MCTP1: variants seen among roughly 807,000 people sequenced by gnomAD.
MCTP1 encodes the protein multiple C2 and transmembrane domain-containing protein 1.
MCTP1 carries 69 observed loss-of-function variants against 120.6 expected under a neutral mutation model. That is an observed-to-expected ratio of 0.57 (90% CI 0.47 to 0.70). The LOEUF (loss-of-function observed/expected upper bound fraction) is 0.70, where lower values mean the gene tolerates loss of function less well. Ranked by LOEUF, MCTP1 falls within the 30% of genes least tolerant of loss-of-function variation. The pLI is 0.00. For missense variants in MCTP1, 1,203 were observed against 1,248.8 expected (o/e 0.96, Z 0.55); for synonymous variants, 529 against 493.1 (o/e 1.07, Z -0.96).
intron 19 of MCTP1, among the ~76,000 whole-genome samples, chr5:94,778,335 G>A (rs1204518705): frequency 6.6e-6 from 1 of 151,954 alleles, no homozygotes; most frequent in Non-Finnish European, 1.5e-5. Flanking sequence ...TTAGATTTTA[G>A]GTCTGGAAAT....
intron 10 of MCTP1, among the ~76,000 whole-genome samples, chr5:94,900,132 A>T (rs936743522): frequency 6.6e-6 from 1 of 152,172 alleles, no homozygotes; most frequent in African/African-American, 2.4e-5. Flanking sequence ...ACAACTTATC[A>T]TTCCAGAAGC....
rs1211529200 is a variant in MCTP1, at chr5:94,912,466, A to AAAAAAAAAAAG, written c.1521+339_1521+340insCTTTTTTTTTT. ...AAAAAAAAAAAAAAAAAAAAAAAAA[A>AAAAAAAAAAAG]GCCGCACTCTGAGTACTTTATGTGC... On this transcript the variant is annotated intron_variant, in intron 9 of 22. Coordinates refer to ENST00000515393, the MANE Select transcript of MCTP1 (RefSeq NM_024717.7). Among the ~76,000 whole-genome samples, 43 of 92,098 alleles carry AAAAAAAAAAAG rather than the reference A, an allele frequency of 4.7e-4. 12 individuals carry two copies. The highest frequency in any genetic ancestry group is 1.9e-3 in the South Asian group (5 of 2,646). 60.4% of individuals were successfully genotyped at this position (92,098 alleles called of 152,430 possible). A position where few individuals can be genotyped will look rare whatever the true frequency, so the allele number is the denominator to read the frequency against.
intron 3 of MCTP1, among the ~76,000 whole-genome samples, chr5:94,943,006 C>T (rs1457436905): frequency 6.6e-6 from 1 of 151,916 alleles, no homozygotes; most frequent in Non-Finnish European, 1.5e-5. Flanking sequence ...AGAGATAATG[C>T]GTTTCTTCCT....
In MCTP1 at chr5:94,707,275, G is replaced by T. The variant is rs1754879999; in HGVS notation, c.*221C>A. 1 of 457,888 alleles carries T rather than the reference G, an allele frequency of 2.2e-6. No individual in the cohort carries two copies. Among genetic ancestry groups the T allele is most frequent in the Admixed American group, 3.8e-5 (1 of 26,214 alleles). 28.4% of individuals were successfully genotyped at this position (457,888 alleles called of 1,614,324 possible). A position where few individuals can be genotyped will look rare whatever the true frequency, so the allele number is the denominator to read the frequency against. On this transcript the variant is annotated 3_prime_UTR_variant, in exon 23 of 23. Coordinates refer to ENST00000515393, the MANE Select transcript of MCTP1 (RefSeq NM_024717.7). ...TATATTATTATCCACAGCTAACAAG[G>T]TTTTGACACAGCAGTAGCAAAACCT...
chr5:95,257,612 T>C (rs1758022591), intron 1 of MCTP1, among the ~76,000 whole-genome samples: 1 of 152,178 alleles, frequency 6.6e-6, no homozygotes, highest in Non-Finnish European at 1.5e-5. Context: ...CCATTAAAAA[T>C]GCTTCCCAAT....
intron 12 of MCTP1, among the ~76,000 whole-genome samples, chr5:94,873,760 T>C (rs1259867977): frequency 6.6e-6 from 1 of 152,032 alleles, no homozygotes; most frequent in East Asian, 1.9e-4. Flanking sequence ...ATTGAGTTAC[T>C]TTCTTCTGAG....
chr5:95,140,477 T>C (rs1759813681), intron 1 of MCTP1, among the ~76,000 whole-genome samples: 1 of 151,946 alleles, frequency 6.6e-6, no homozygotes, highest in African/African-American at 2.4e-5. Flanking sequence ...ATTTTGAAGA[T>C]TTGAAAATTT....
rs555312108 is a variant in MCTP1 at position 94,959,628 on chromosome 5, GACAA to G, written c.839-6271_839-6268del. Among the ~76,000 whole-genome samples, 425 of 152,250 alleles carry G rather than the reference GACAA, an allele frequency of 2.8e-3. 1 individual carries two copies. The highest frequency in any genetic ancestry group is 9.4e-3 in the African/African-American group (390 of 41,542). On this transcript the variant is annotated intron_variant, in intron 2 of 22. Coordinates refer to ENST00000515393, the MANE Select transcript of MCTP1 (RefSeq NM_024717.7). ...CAAGCATTCCTATACACCAGTAACA[GACAA>G]ACAGAGAGCCAAATCATGAGTGAAC...
chr5:95,241,577 A>T (rs10059777), intron 1 of MCTP1, among the ~76,000 whole-genome samples: 20,712 of 152,176 alleles, frequency 0.14, 1,723 homozygotes, highest in Middle Eastern at 0.19. Context: ...AGACCACATT[A>T]TTCTTACATT....
At chr5:95,077,989 C>T (rs985530046) in intron 1 of MCTP1, among the ~76,000 whole-genome samples, 1 of 27,436 alleles carries the variant, frequency 3.6e-5, no homozygotes, top group Non-Finnish European at 1.3e-4. Context: ...AGTCATGACT[C>T]AACAGATATG....
intron 1 of MCTP1, among the ~76,000 whole-genome samples, chr5:95,140,903 A>AAT (rs1210925022): frequency 6.7e-6 from 1 of 149,934 alleles, no homozygotes; most frequent in East Asian, 1.9e-4. Flanking sequence ...AAAAAAAAAA[A>AAT]AGTGCCATTT....
At chr5:95,115,570 T>C (rs1221538181) in intron 1 of MCTP1, among the ~76,000 whole-genome samples, 3 of 151,866 alleles carry the variant, frequency 2.0e-5, no homozygotes, top group Non-Finnish European at 4.4e-5. Flanking sequence ...GATAGGCTAT[T>C]TGAAAATAGT....
intron 1 of MCTP1, among the ~76,000 whole-genome samples, chr5:95,166,459 A>C (rs897037926): frequency 6.6e-6 from 1 of 152,042 alleles, no homozygotes; most frequent in African/African-American, 2.4e-5. Context: ...CTAGATTCTT[A>C]CCGTCTTGTC....
intron 1 of MCTP1, among the ~76,000 whole-genome samples, chr5:95,121,902 A>G (rs1758267613): frequency 6.6e-6 from 1 of 151,240 alleles, no homozygotes; most frequent in Admixed American, 6.6e-5. Context: ...AGCCTCTTCA[A>G]TAAATGGTGG....
At chr5:95,166,568 ATTT>A (rs34176318) in intron 1 of MCTP1, among the ~76,000 whole-genome samples, 147 of 125,112 alleles carry the variant, frequency 1.2e-3, no homozygotes, top group Admixed American at 1.2e-3. Flanking sequence ...AATTTTAATC[ATTT>A]TTTTTTTTTT....
chr5:94,780,230 T>C (rs999848944), intron 18 of MCTP1, among the ~76,000 whole-genome samples: 6 of 150,162 alleles, frequency 4.0e-5, no homozygotes, highest in African/African-American at 1.5e-4. Context: ...AAAGCTCATA[T>C]TAGAGGACAG....
intron 5 of MCTP1, among the ~76,000 whole-genome samples, chr5:94,937,613 T>C (rs1422192201): frequency 6.6e-6 from 1 of 152,064 alleles, no homozygotes; most frequent in Non-Finnish European, 1.5e-5. Flanking sequence ...CCATGGAGAC[T>C]GAAGGATTTT....
intron 1 of MCTP1, among the ~76,000 whole-genome samples, chr5:95,180,496 G>C (rs1011826135): frequency 6.6e-6 from 1 of 152,124 alleles, no homozygotes; most frequent in African/African-American, 2.4e-5. Context: ...ACTAAAATTT[G>C]GTTTCTGGGC....
At chr5:95,182,894 C>T (rs11949702) in intron 1 of MCTP1, among the ~76,000 whole-genome samples, 1,691 of 151,856 alleles carry the variant, frequency 0.011, 37 homozygotes, top group African/African-American at 0.039. Flanking sequence ...GACATGGTGG[C>T]GGGTGCCTGT....
Sources: allele counts gnomAD v4.1 joint callset (sites outside exome capture counted in the v4.1 genomes callset), GRCh38; gene constraint gnomAD v4.1.1; transcripts MANE v1.5; gene names NCBI Gene and HGNC (gene_info 2026-07-23, HGNC 2026-07-21).